EVI5: variants seen among roughly 807,000 people sequenced by gnomAD.
EVI5 encodes ecotropic viral integration site 5 protein homolog.
Under a neutral mutation model 112.0 loss-of-function variants are expected in EVI5, and 73 were observed. The observed-to-expected ratio is 0.65, with a 90% CI of 0.54 to 0.79. The LOEUF (loss-of-function observed/expected upper bound fraction) is 0.79. Ranked by LOEUF, EVI5 falls within the 30% of genes least tolerant of loss-of-function variation. The probability of loss-of-function intolerance (pLI) is 0.00; values close to 1 mark genes in which losing one functional copy is unlikely to be tolerated. For synonymous variants in EVI5, 305 were observed against 319.9 expected (o/e 0.95, Z 0.50); for missense variants, 900 against 968.8 (o/e 0.93, Z 0.94).
intron 1 of EVI5, among the ~76,000 whole-genome samples, chr1:92,777,847 G>C (rs1217203010): frequency 2.0e-5 from 3 of 151,704 alleles, no homozygotes; most frequent in Non-Finnish European, 4.4e-5. Flanking sequence ...TGAGACAATA[G>C]CAACAAAATT....
chr1:92,695,140 A>C (rs1464465087), intron 7 of EVI5, among the ~76,000 whole-genome samples, 170 bp downstream of exon 7: 2 of 152,224 alleles, frequency 1.3e-5, no homozygotes, highest in Non-Finnish European at 2.9e-5. Flanking sequence ...AATGCAATAA[A>C]AACAGTATCT....
intron 13 of EVI5, among the ~76,000 whole-genome samples, chr1:92,639,658 T>C (rs1320817706): frequency 6.6e-6 from 1 of 152,052 alleles, no homozygotes; most frequent in African/African-American, 2.4e-5. Context: ...TTGTAACACT[T>C]ATCACAACTC....
At chr1:92,784,688 C>T (rs950256544) in intron 1 of EVI5, 148 bp downstream of exon 1, 3 of 450,034 alleles carry the variant, frequency 6.7e-6, no homozygotes, top group Non-Finnish European at 8.8e-6. Flanking sequence ...TAGGCCCTGG[C>T]GGGGCCAGGC....
At chr1:92,714,099 T>C in intron 2 of EVI5, 1 of 979,344 alleles carries the variant, frequency 1.0e-6, no homozygotes. Context: ...ATTTCAACTT[T>C]AAAGCTATCA....
chr1:92,636,341 A>T lies in EVI5; in HGVS notation c.1393-5T>A, dbSNP rs1658824300. The T allele has an allele frequency of 1.9e-6, 3 of 1,612,436 alleles. No homozygotes were observed. The highest frequency in any genetic ancestry group is 2.2e-5 in the East Asian group (1 of 44,848). ...GTAGTTGGAACTGCATTTATGCTAAAGGTTACAGACATACACTGAAATTTC... is the reference window on the plus strand; with the variant it reads ...GTAGTTGGAACTGCATTTATGCTAATGGTTACAGACATACACTGAAATTTC... On this transcript the variant is annotated splice_polypyrimidine_tract_variant and splice_region_variant and intron_variant, in intron 13 of 19. Coordinates refer to ENST00000684568, the MANE Select transcript of EVI5 (RefSeq NM_001350197.2).
chr1:92,537,143 C>T (rs900905682), intron 19 of EVI5, among the ~76,000 whole-genome samples: 2 of 151,974 alleles, frequency 1.3e-5, no homozygotes, highest in African/African-American at 4.8e-5. Flanking sequence ...GTCATCCACA[C>T]ACCAAAAAAA....
chr1:92,788,398 C>CG (rs1685814469), upstream of EVI5, among the ~76,000 whole-genome samples: 1 of 151,482 alleles, frequency 6.6e-6, no homozygotes, highest in Non-Finnish European at 1.5e-5. Context: ...CACTTGAACC[C>CG]GGGGGGCGGA....
chr1:92,669,927 C>T (rs1665581251), intron 10 of EVI5, among the ~76,000 whole-genome samples: 1 of 151,556 alleles, frequency 6.6e-6, no homozygotes, highest in South Asian at 2.1e-4. Flanking sequence ...TTATCTTGTA[C>T]ATTGAAAAAG....
chr1:92,695,687 G>T (rs541370390), intron 6 of EVI5, among the ~76,000 whole-genome samples: 1 of 152,202 alleles, frequency 6.6e-6, no homozygotes, highest in East Asian at 1.9e-4. Flanking sequence ...TTAATAAAAA[G>T]AAACTGAATA....
chr1:92,549,556 C>G (rs1359663006), intron 19 of EVI5, among the ~76,000 whole-genome samples: 1 of 151,886 alleles, frequency 6.6e-6, no homozygotes, highest in African/African-American at 2.4e-5. Context: ...TCAGAGTGAA[C>G]AGGCAACCTA....
intron 13 of EVI5, among the ~76,000 whole-genome samples, chr1:92,655,055 T>C (rs1163289198): frequency 1.3e-5 from 2 of 152,164 alleles, no homozygotes; most frequent in Non-Finnish European, 2.9e-5. Context: ...AAAACCTATC[T>C]GAGGAAGTAA....
chr1:92,768,232 A>C (rs895398671), intron 1 of EVI5, among the ~76,000 whole-genome samples: 2 of 152,202 alleles, frequency 1.3e-5, no homozygotes, highest in East Asian at 3.8e-4. Context: ...TTACAGAAAA[A>C]ATCAGACATT....
chr1:92,681,780 T>G (rs761646358), intron 9 of EVI5, among the ~76,000 whole-genome samples: 1 of 152,274 alleles, frequency 6.6e-6, no homozygotes, highest in African/African-American at 2.4e-5. Flanking sequence ...ATTAGCCACA[T>G]GTGAGTGACT....
At chr1:92,729,461 G>A (rs1024593519) in intron 2 of EVI5, among the ~76,000 whole-genome samples, 5 of 152,136 alleles carry the variant, frequency 3.3e-5, no homozygotes, top group Non-Finnish European at 7.4e-5. Context: ...ACATATTACC[G>A]ATAAAGGTCA....
rs774619273 is a variant in EVI5 at position 92,783,483 on chromosome 1, TAAAAAAA to T, written c.-82+1346_-82+1352del. On this transcript the variant is annotated intron_variant, in intron 1 of 19. Coordinates refer to ENST00000684568, the MANE Select transcript of EVI5 (RefSeq NM_001350197.2). ...TAGGCAACAGAGTGAGACTCAGCCTTAAAAAAAAAAAAAAAAAAAAAAAAGAAAAGAA... is the reference window on the plus strand; with the variant it reads ...TAGGCAACAGAGTGAGACTCAGCCTTAAAAAAAAAAAAAAAAAGAAAAGAA... Among the ~76,000 whole-genome samples, 22 of 24,260 alleles carry T rather than the reference TAAAAAAA, an allele frequency of 9.1e-4. No homozygotes were observed. In the South Asian group the frequency reaches 0.013, roughly 15 times the overall value. The allele number at this position is 24,260 out of a possible 152,430, so 15.9% of individuals were successfully genotyped here. A position where few individuals can be genotyped will look rare whatever the true frequency, so the allele number is the denominator to read the frequency against.
chr1:92,670,870 G>T (rs1214222358), intron 10 of EVI5, among the ~76,000 whole-genome samples: 1 of 151,936 alleles, frequency 6.6e-6, no homozygotes, highest in Non-Finnish European at 1.5e-5. Flanking sequence ...TTGATTTCTT[G>T]TTATTGTGTA....
intron 10 of EVI5, among the ~76,000 whole-genome samples, chr1:92,672,980 T>C (rs1343003719): frequency 6.6e-6 from 1 of 152,218 alleles, no homozygotes; most frequent in Non-Finnish European, 1.5e-5. Context: ...ATGTGACCAC[T>C]GGCATAATAT....
intron 2 of EVI5, among the ~76,000 whole-genome samples, chr1:92,734,206 T>C (rs1676968336): frequency 6.6e-6 from 1 of 152,246 alleles, no homozygotes; most frequent in African/African-American, 2.4e-5. Flanking sequence ...AATGATTTTC[T>C]TGGTATCACT....
intron 11 of EVI5, among the ~76,000 whole-genome samples, chr1:92,664,075 A>C (rs1356703610): frequency 1.3e-5 from 2 of 152,124 alleles, no homozygotes; most frequent in African/African-American, 4.8e-5. Context: ...CTTTTGGTAT[A>C]TTTACATCTT....
Sources: allele counts gnomAD v4.1 joint callset (sites outside exome capture counted in the v4.1 genomes callset), GRCh38; gene constraint gnomAD v4.1.1; transcripts MANE v1.5; gene names NCBI Gene and HGNC (gene_info 2026-07-23, HGNC 2026-07-21).